The following ALG9 variants were observed in gnomAD, a reference collection of about 807,000 sequenced individuals.
The protein encoded by ALG9 is alpha-1,2-mannosyltransferase ALG9.
A neutral mutation model predicts 81.8 loss-of-function variants in ALG9; 55 were observed. The observed-to-expected ratio is 0.67, with a 90% CI of 0.54 to 0.84. The LOEUF (loss-of-function observed/expected upper bound fraction) is 0.84, where lower values mean the gene tolerates loss of function less well. Ranked by LOEUF, ALG9 falls within the 40% of genes least tolerant of loss-of-function variation. The pLI is 0.00. For synonymous variants in ALG9, 278 were observed against 274.3 expected (o/e 1.01, Z -0.13); for missense variants, 629 against 745.0 (o/e 0.84, Z 1.81).
At chr11:111,805,620 C>A (rs1249601735) in intron 14 of ALG9, among the ~76,000 whole-genome samples, 1 of 152,072 alleles carries the variant, frequency 6.6e-6, no homozygotes, top group Non-Finnish European at 1.5e-5. Context: ...ACTATGAAGA[C>A]AGTAAAAAGA....
chr11:111,849,311 A>G (rs1957402018), intron 8 of ALG9, among the ~76,000 whole-genome samples: 1 of 152,128 alleles, frequency 6.6e-6, no homozygotes, highest in Non-Finnish European at 1.5e-5. Context: ...TCGGCCTCCC[A>G]AAGTGCTGGG....
rs781809064 is a variant in ALG9, at chr11:111,853,785, A to C, written c.702-49T>G. ...GGGAGTTAAATAAATACTGACAGAG[A>C]CAAATCAGATTCACACATACCTCAT... On this transcript the variant is annotated intron_variant, in intron 6 of 14. Coordinates refer to ENST00000616540, the MANE Select transcript of ALG9 (RefSeq NM_024740.2). The C allele has an allele frequency of 7.4e-6, 11 of 1,491,530 alleles. No homozygotes were observed. The Admixed American group carries it at 1.7e-4, about 23-fold the overall frequency. 92.4% of individuals were successfully genotyped at this position (1,491,530 alleles called of 1,614,324 possible).
At position 111,804,980 on chromosome 11, in the gene ALG9, T is replaced by A. The variant is rs1949708264; in HGVS notation, c.1733+4663A>T. On this transcript the variant is annotated intron_variant, in intron 14 of 14. Coordinates refer to ENST00000616540, the MANE Select transcript of ALG9 (RefSeq NM_024740.2). ...TGGTATTACCCAAAGGAGTTGAAAA[T>A]GTATGTCCACACAAAAACCTGCACA... 3 of 230,916 alleles carry A rather than the reference T, an allele frequency of 1.3e-5. No individual in the cohort carries two copies. In the South Asian group the frequency reaches 1.7e-4, roughly 13 times the overall value. 14.3% of individuals were successfully genotyped at this position (230,916 alleles called of 1,614,324 possible). A position where few individuals can be genotyped will look rare whatever the true frequency, so the allele number is the denominator to read the frequency against.
Position 111,817,527 on chromosome 11 carries a change from C to A in ALG9, c.1603-7754G>T, listed in dbSNP as rs1951680976. On this transcript the variant is annotated intron_variant, in intron 13 of 14. Transcript: ENST00000616540. ...AAAAAAAAATAAAAAACAAAACTCA[C>A]TGCAGTCTCGACCTCCCCAGGCTCA... 2 of 152,152 alleles carry A rather than the reference C, an allele frequency of 1.3e-5. 1 individual carries two copies. The highest frequency in any genetic ancestry group is 4.1e-4 in the South Asian group (2 of 4,826). 9.4% of individuals were successfully genotyped at this position (152,152 alleles called of 1,614,324 possible).
chr11:111,812,430 GGT>G (rs1340238105), intron 13 of ALG9, among the ~76,000 whole-genome samples: 2 of 152,194 alleles, frequency 1.3e-5, no homozygotes, highest in Admixed American at 6.5e-5. Flanking sequence ...AGCCGGGCAT[GGT>G]GGTATGTACC....
intron 13 of ALG9, among the ~76,000 whole-genome samples, chr11:111,815,385 A>G (rs1452433893): frequency 6.6e-6 from 1 of 152,188 alleles, no homozygotes; most frequent in Non-Finnish European, 1.5e-5. Flanking sequence ...CCCAGGAAAC[A>G]GAGCAAGACC....
chr11:111,832,466 A>G (rs1954542518), intron 13 of ALG9, among the ~76,000 whole-genome samples: 1 of 151,624 alleles, frequency 6.6e-6, no homozygotes, highest in Admixed American at 6.6e-5. Context: ...TATTGTAGAG[A>G]CTGAATCTCG....
At chr11:111,822,608 G>C (rs868995448) in intron 13 of ALG9, among the ~76,000 whole-genome samples, 1 of 152,096 alleles carries the variant, frequency 6.6e-6, no homozygotes, top group African/African-American at 2.4e-5. Context: ...AGCTACTCAG[G>C]AGGGCGAGGT....
At position 111,799,550 on chromosome 11, in the gene ALG9, A is replaced by G. The variant is rs1302751657; in HGVS notation, c.1733+10093T>C. 2.6e-5 allele frequency among the ~76,000 whole-genome samples: 4 copies of G among 152,090 alleles called. No homozygotes were observed. In the East Asian group the frequency reaches 7.7e-4, roughly 29 times the overall value. ...CAGCTGAGGCCCAATCTAGGCCACAATAATAAGAATTGTCAGCAAGTTAAA... is the reference window on the plus strand; with the variant it reads ...CAGCTGAGGCCCAATCTAGGCCACAGTAATAAGAATTGTCAGCAAGTTAAA... On this transcript the variant is annotated intron_variant, in intron 14 of 14. Transcript: ENST00000616540.
intron 8 of ALG9, among the ~76,000 whole-genome samples, chr11:111,852,707 G>A (rs1359202328): frequency 4.6e-5 from 7 of 152,068 alleles, no homozygotes; most frequent in Admixed American, 2.6e-4. Context: ...AGGCCAAGGC[G>A]GGTGGATCAC....
Position 111,844,657 on chromosome 11 carries a change from G to T in ALG9, c.962C>A (p.Ala321Asp). The part of the protein sequence containing the change: ...FLNFNVAFAL[A>D]LLVLPLTSLM... ...AGAAGTCAGTGGTAGGACTAGGAGA[G>T]CCAAAGCAAAGGCTACATTGAAATT... The change falls in exon 9 of 15, where the codon GCT becomes GAT. Residue 321 changes from alanine to aspartate, a missense_variant. Around this residue, in one of 3 missense-constraint regions of ALG9, gnomAD observed 344 missense variants for 390.5 expected, o/e 0.88. Transcript: ENST00000616540. The T allele has an allele frequency of 6.2e-7, 1 of 1,614,066 alleles. No homozygotes were observed.
intron 4 of ALG9, 119 bp downstream of exon 4, chr11:111,865,062 C>A (rs1566252298): frequency 2.6e-6 from 2 of 759,672 alleles, no homozygotes; most frequent in Non-Finnish European, 4.0e-6. Flanking sequence ...CAGGTGTGAG[C>A]CACCGCACCC....
intron 8 of ALG9, among the ~76,000 whole-genome samples, chr11:111,845,698 T>G (rs1415050187): frequency 6.6e-6 from 1 of 152,222 alleles, no homozygotes; most frequent in Non-Finnish European, 1.5e-5. Flanking sequence ...GAATGACACA[T>G]GCGGGTTTTA....
intron 13 of ALG9, among the ~76,000 whole-genome samples, chr11:111,828,308 T>TACGG (rs555660161): frequency 3.7e-4 from 57 of 152,368 alleles, no homozygotes; most frequent in African/African-American, 1.3e-3. Flanking sequence ...TGAGCATGAT[T>TACGG]ACGGGACAGA....
intron 13 of ALG9, among the ~76,000 whole-genome samples, chr11:111,824,203 T>C (rs1215466463): frequency 6.6e-6 from 1 of 152,238 alleles, no homozygotes; most frequent in Non-Finnish European, 1.5e-5. Flanking sequence ...ATTTTAAGAA[T>C]GCATCTATGA....
downstream of ALG9, among the ~76,000 whole-genome samples, chr11:111,781,970 G>C (rs183715216): frequency 2.0e-5 from 3 of 152,246 alleles, no homozygotes; most frequent in East Asian, 5.8e-4. Flanking sequence ...TACTGTGCGT[G>C]GTTTTAACAT....
intron 14 of ALG9, among the ~76,000 whole-genome samples, chr11:111,789,715 G>T (rs543500968): frequency 6.6e-6 from 1 of 151,794 alleles, no homozygotes; most frequent in African/African-American, 2.4e-5. Context: ...AGCTACTCGG[G>T]ACGCTGAGGT....
Position 111,857,280 on chromosome 11 carries a change from T to G in ALG9, c.701+322A>C, listed in dbSNP as rs192823023. Among the ~76,000 whole-genome samples, 4 of 152,256 alleles carry G rather than the reference T, an allele frequency of 2.6e-5. No individual in the cohort carries two copies. In the East Asian group the frequency reaches 7.7e-4, roughly 29 times the overall value. On this transcript the variant is annotated intron_variant, in intron 6 of 14. Coordinates refer to ENST00000616540, the MANE Select transcript of ALG9 (RefSeq NM_024740.2). ...AAGCAAACATAATCTTAAAGGTAAATTATTCAAACTCTCAGAGTCTACTTT... is the reference window on the plus strand; with the variant it reads ...AAGCAAACATAATCTTAAAGGTAAAGTATTCAAACTCTCAGAGTCTACTTT...
intron 13 of ALG9, among the ~76,000 whole-genome samples, chr11:111,833,624 T>A (rs1954754860): frequency 6.6e-6 from 1 of 152,144 alleles, no homozygotes. Context: ...CACCCAGAGC[T>A]AAAGGTCCAT....
Sources: allele counts gnomAD v4.1 joint callset (sites outside exome capture counted in the v4.1 genomes callset), GRCh38; gene constraint gnomAD v4.1.1; regional missense constraint gnomAD v4.1.1; transcripts MANE v1.5; gene names NCBI Gene and HGNC (gene_info 2026-07-23, HGNC 2026-07-21).